The following KCNC2 variants were observed in gnomAD, a reference collection of about 807,000 sequenced individuals.
KCNC2 encodes potassium voltage-gated channel subfamily C member 2, also known as voltage-gated potassium channel KCNC2.
Under a neutral mutation model 44.5 loss-of-function variants are expected in KCNC2, and 21 were observed. That is an observed-to-expected ratio of 0.47 (90% CI 0.33 to 0.68). KCNC2 has a LOEUF of 0.68. Ranked by LOEUF, KCNC2 falls within the 30% of genes least tolerant of loss-of-function variation. KCNC2 has a pLI of 0.01. For synonymous variants in KCNC2, 391 were observed against 339.1 expected (o/e 1.15, Z -1.68); for missense variants, 589 against 826.2 (o/e 0.71, Z 3.52).
At chr12:75,059,399 G>A (rs1322316203) in intron 2 of KCNC2, among the ~76,000 whole-genome samples, 1 of 151,970 alleles carries the variant, frequency 6.6e-6, no homozygotes, top group Non-Finnish European at 1.5e-5. Flanking sequence ...TGTTTACAGT[G>A]GAGTTCTCTA....
Position 75,188,861 on chromosome 12 carries a change from CAATAAATAAATAAATAAATA to C in KCNC2, c.687+18416_687+18435del, listed in dbSNP as rs10608827. Among the ~76,000 whole-genome samples, 879 of 142,584 alleles carry C rather than the reference CAATAAATAAATAAATAAATA, an allele frequency of 6.2e-3. 6 individuals are homozygous for C. Among genetic ancestry groups the C allele is most frequent in the African/African-American group, 0.02 (774 of 38,522 alleles). The allele number at this position is 142,584 out of a possible 152,430, so 93.5% of individuals were successfully genotyped here. A position where few individuals can be genotyped will look rare whatever the true frequency, so the allele number is the denominator to read the frequency against. ...CTGGTGACAGAGTGAGACTCCATCT[CAATAAATAAATAAATAAATA>C]AATAAATAAATAAATAAATAAATAA... On this transcript the variant is annotated intron_variant, in intron 2 of 4. Coordinates refer to ENST00000549446, the MANE Select transcript of KCNC2 (RefSeq NM_139137.4).
chr12:75,148,803 T>G (rs999377023), intron 2 of KCNC2, among the ~76,000 whole-genome samples: 1 of 151,964 alleles, frequency 6.6e-6, no homozygotes, highest in Non-Finnish European at 1.5e-5. Context: ...AGAAAAGTAA[T>G]TAGTCAATAT....
At chr12:75,053,750 T>C (rs1279857829) in intron 2 of KCNC2, among the ~76,000 whole-genome samples, 2 of 147,700 alleles carry the variant, frequency 1.4e-5, no homozygotes, top group Non-Finnish European at 3.0e-5. Flanking sequence ...CTATAATATA[T>C]ATTACATAAT....
chr12:75,091,655 T>G (rs188065398), intron 2 of KCNC2, among the ~76,000 whole-genome samples: 7 of 151,744 alleles, frequency 4.6e-5, no homozygotes, highest in African/African-American at 1.4e-4. Flanking sequence ...TTTTAAAAAA[T>G]CAGTTTAGAA....
At chr12:75,158,728 A>C (rs998809968) in intron 2 of KCNC2, among the ~76,000 whole-genome samples, 2 of 151,900 alleles carry the variant, frequency 1.3e-5, no homozygotes, top group Non-Finnish European at 2.9e-5. Flanking sequence ...GCTTTATCTG[A>C]AAATGGATCT....
At position 75,207,639 on chromosome 12, in the gene KCNC2, G is replaced by C. The variant is rs2031800496; in HGVS notation, c.345C>G (p.Leu115=). ...DRHPGVFAYV[L]NYYRTGKLHC... ...GCAGCTTGCCGGTGCGGTAGTAATT[G>C]AGCACATAGGCGAAGACGCCCGGGT... The change falls in exon 2 of 5, where the codon CTC becomes CTG. Residue 115 remains leucine, a synonymous_variant. Transcript: ENST00000549446. The surrounding 1 kb of genome is among the most constrained non-coding windows in gnomAD (Gnocchi z 4.1). The C allele has an allele frequency of 6.2e-7, 1 of 1,611,738 alleles. No homozygotes were observed. Among genetic ancestry groups the C allele is most frequent in the East Asian group, 2.2e-5 (1 of 44,846 alleles).
intron 2 of KCNC2, among the ~76,000 whole-genome samples, chr12:75,098,080 G>T (rs1026740756): frequency 6.6e-6 from 1 of 151,852 alleles, no homozygotes; most frequent in Non-Finnish European, 1.5e-5. Context: ...ATTAAAAAAA[G>T]GTGAATTTAT....
intron 2 of KCNC2, among the ~76,000 whole-genome samples, chr12:75,060,488 C>T (rs1882202657): frequency 6.6e-6 from 1 of 151,908 alleles, no homozygotes; most frequent in Non-Finnish European, 1.5e-5. Context: ...TTTTTTGAGA[C>T]AAGGTCTCTC....
chr12:75,192,048 T>C (rs1331182787), intron 2 of KCNC2, among the ~76,000 whole-genome samples: 1 of 152,224 alleles, frequency 6.6e-6, no homozygotes, highest in Non-Finnish European at 1.5e-5. Context: ...ATGGACTATC[T>C]GGGCATAATT....
chr12:75,203,038 T>C (rs1466631228), intron 2 of KCNC2, among the ~76,000 whole-genome samples: 1 of 151,816 alleles, frequency 6.6e-6, no homozygotes, highest in Non-Finnish European at 1.5e-5. Flanking sequence ...AAAATTTTAA[T>C]AATTGACAAC....
chr12:75,118,449 T>C (rs866347641), intron 2 of KCNC2, among the ~76,000 whole-genome samples: 17 of 152,038 alleles, frequency 1.1e-4, no homozygotes, highest in African/African-American at 2.9e-4. Flanking sequence ...CAAGCCCCTC[T>C]AAAGAGTGAA....
rs1268705542 is a variant in KCNC2 at position 75,208,600 on chromosome 12, G to A, written c.-19-598C>T. 2.4e-5 allele frequency among the ~76,000 whole-genome samples: 3 copies of A among 127,634 alleles called. No individual in the cohort carries two copies. The Admixed American group carries it at 2.7e-4, about 11-fold the overall frequency. The allele number at this position is 127,634 out of a possible 152,430, so 83.7% of individuals were successfully genotyped here. Reference sequence around the variant, plus strand: ...CCTCCCCCCACCCTGTGAAGAGCCCGGATTCCACACCCACCCTAGGTCAAC... The same window carrying A: ...CCTCCCCCCACCCTGTGAAGAGCCCAGATTCCACACCCACCCTAGGTCAAC... On this transcript the variant is annotated intron_variant, in intron 1 of 4. Transcript: ENST00000549446.
At position 75,182,537 on chromosome 12, in the gene KCNC2, AC is replaced by A. The variant is rs374545963; in HGVS notation, c.687+24759del. Among the ~76,000 whole-genome samples the A allele has an allele frequency of 3.0e-3, 397 of 132,272 alleles. 2 individuals carry two copies. Among genetic ancestry groups the A allele is most frequent in the African/African-American group, 9.5e-3 (344 of 36,224 alleles). 86.8% of individuals were successfully genotyped at this position (132,272 alleles called of 152,430 possible). A position where few individuals can be genotyped will look rare whatever the true frequency, so the allele number is the denominator to read the frequency against. On this transcript the variant is annotated intron_variant, in intron 2 of 4. Coordinates refer to ENST00000549446, the MANE Select transcript of KCNC2 (RefSeq NM_139137.4). ...TTCCGTCTCAAAAAAAAAAAAAAAA[AC>A]AAAAAAAACAAAAAAAAACAAACAG...
chr12:75,173,088 G>T (rs1891941932), intron 2 of KCNC2, among the ~76,000 whole-genome samples: 2 of 151,568 alleles, frequency 1.3e-5, no homozygotes, highest in African/African-American at 2.4e-5. Context: ...TTTGAATATT[G>T]GCATAGATAC....
intron 2 of KCNC2, among the ~76,000 whole-genome samples, chr12:75,135,330 T>G (rs1266882159): frequency 1.3e-5 from 2 of 152,006 alleles, no homozygotes; most frequent in Non-Finnish European, 2.9e-5. Flanking sequence ...TGATGGTAGT[T>G]AAATTAATGT....
At chr12:75,198,920 A>G (rs1283861659) in intron 2 of KCNC2, among the ~76,000 whole-genome samples, 1 of 151,826 alleles carries the variant, frequency 6.6e-6, no homozygotes, top group Non-Finnish European at 1.5e-5. Flanking sequence ...AACATGTAAT[A>G]TATATTTAGA....
intron 2 of KCNC2, among the ~76,000 whole-genome samples, chr12:75,068,980 T>A (rs1356148694): frequency 6.6e-6 from 1 of 152,068 alleles, no homozygotes; most frequent in Non-Finnish European, 1.5e-5. Context: ...CAGAAGATAT[T>A]TGAGTATGTT....
intron 2 of KCNC2, among the ~76,000 whole-genome samples, chr12:75,102,301 G>A (rs982029184): frequency 2.6e-5 from 4 of 152,034 alleles, no homozygotes; most frequent in Admixed American, 2.6e-4. Flanking sequence ...AGAGAATCAT[G>A]TTGAGTAAAT....
intron 2 of KCNC2, among the ~76,000 whole-genome samples, chr12:75,173,249 C>G (rs976604088): frequency 6.6e-6 from 1 of 151,758 alleles, no homozygotes; most frequent in African/African-American, 2.4e-5. Flanking sequence ...TTAGTTAAAT[C>G]CAAGTCAATT....
Sources: allele counts gnomAD v4.1 joint callset (sites outside exome capture counted in the v4.1 genomes callset), GRCh38; gene constraint gnomAD v4.1.1; non-coding constraint Gnocchi (gnomAD v3.1); transcripts MANE v1.5; gene names NCBI Gene and HGNC (gene_info 2026-07-23, HGNC 2026-07-21).